Variants in PACS2 observed in about 807,000 individuals in gnomAD.
The protein encoded by PACS2 is PACS1-like protein.
PACS2 carries 36 observed loss-of-function variants against 113.0 expected under a neutral mutation model. That is an observed-to-expected ratio of 0.32 (90% confidence interval 0.24 to 0.42). The LOEUF is 0.42. Among genes scored for constraint, PACS2 ranks in the 10% least tolerant of loss-of-function variants. The pLI, the probability that PACS2 is intolerant of heterozygous loss-of-function variation, is 1.00. For synonymous variants in PACS2, 589 were observed against 536.1 expected, an observed-to-expected ratio of 1.10 and a Z score of -1.36; for missense variants, 1,015 against 1,239.5, an observed-to-expected ratio of 0.82 and a Z score of 2.72.
At chr14:105,367,948 C>A in intron 5 of PACS2, 126 bp from the exon 6 acceptor site, 1 of 709,510 alleles carries the variant, frequency 1.4e-6, no homozygotes, top group Non-Finnish European at 2.6e-6. Context: ...TGGAGCCCCT[C>A]TGTCCTGCAT....
chr14:105,353,215 TG>T (rs2060292222), intron 3 of PACS2, among the ~76,000 whole-genome samples: 3 of 80,278 alleles, frequency 3.7e-5, no homozygotes, highest in Non-Finnish European at 2.4e-5. Flanking sequence ...CCTGGGGTGA[TG>T]GGCACCCCCT....
chr14:105,309,576 A>G (rs1030695668), upstream of PACS2, among the ~76,000 whole-genome samples: 2 of 152,184 alleles, frequency 1.3e-5, no homozygotes, highest in African/African-American at 4.8e-5. This position sits in a 1 kb window ranked among gnomAD's most constrained non-coding sequence, Gnocchi z 4.0. Flanking sequence ...CCATGAGCCC[A>G]GGCAAATCTC....
chr14:105,342,932 T>TAAA (rs1180529928), intron 1 of PACS2, among the ~76,000 whole-genome samples: 1 of 126,692 alleles, frequency 7.9e-6, no homozygotes, highest in African/African-American at 2.9e-5. Context: ...GACTCTGTCT[T>TAAA]AAAAAAAAAA....
chr14:105,320,794 G>A (rs753078962), intron 1 of PACS2, among the ~76,000 whole-genome samples: 19 of 152,260 alleles, frequency 1.2e-4, no homozygotes, highest in Admixed American at 3.3e-4. Context: ...TTGCTGTATC[G>A]TGGTATAGCT....
intron 22 of PACS2, chr14:105,392,269 A>G (rs1441939204): frequency 2.9e-5 from 11 of 377,470 alleles, no homozygotes; most frequent in Non-Finnish European, 4.9e-5. Flanking sequence ...TACCCCCCCG[A>G]CCCCCCTGCC....
chr14:105,332,298 G>C (rs985004784), intron 1 of PACS2, among the ~76,000 whole-genome samples: 2 of 152,214 alleles, frequency 1.3e-5, no homozygotes, highest in African/African-American at 4.8e-5. Flanking sequence ...AAGCACAGTG[G>C]TCCTCCCCTC....
Position 105,384,437 on chromosome 14 carries a change from T to G in PACS2, c.1865T>G (p.Phe622Cys). Reference sequence around the variant, plus strand: ...CAGGACCTGGCCTGGAGAGACCTGTTCAACAAGCTGGAGGCCCAGAGTGCG... The same window carrying G: ...CAGGACCTGGCCTGGAGAGACCTGTGCAACAAGCTGGAGGCCCAGAGTGCG... ...FFQDLAWRDL[F>C]NKLEAQSAVQ... Residue 622 changes from phenylalanine (F) to cysteine (C), a missense_variant, in exon 17 of 25, where the codon TTC becomes TGC. Phe to Cys is a radical substitution (Grantham distance 205). Transcript: ENST00000447393. The G allele has an allele frequency of 6.2e-7, 1 of 1,611,898 alleles. No individual in the cohort carries two copies. Among genetic ancestry groups the G allele is most frequent in the African/African-American group, 1.3e-5 (1 of 75,024 alleles).
In PACS2 at chr14:105,389,978, C is replaced by T; in HGVS notation, c.2051C>T (p.Ser684Phe). Residue 684 changes from serine to phenylalanine, a missense_variant, in exon 20 of 25, where the codon TCC becomes TTC. Around this residue, in one of 3 missense-constraint regions of PACS2, gnomAD observed 859 missense variants for 1,056.8 expected, o/e 0.81. Transcript: ENST00000447393. ...DFTLSPDEES[S>F]QKFIPFVGVV... ...GCTCTTAGCCCTGACGAAGAGTCCT[C>T]CCAAAAGTTCATTCCCTTTGTCGGG... The T allele has an allele frequency of 6.2e-7, 1 of 1,613,998 alleles. No homozygotes were observed. Among genetic ancestry groups the T allele is most frequent in the East Asian group, 2.2e-5 (1 of 44,880 alleles).
At chr14:105,338,080 G>A (rs2059591482) in intron 1 of PACS2, among the ~76,000 whole-genome samples, 3 of 152,212 alleles carry the variant, frequency 2.0e-5, no homozygotes, top group African/African-American at 7.2e-5. Flanking sequence ...AGGCTGGGTG[G>A]CCGAGGGGTC....
At chr14:105,368,743 C>T (rs1170516653) in intron 7 of PACS2, among the ~76,000 whole-genome samples, 3 of 152,214 alleles carry the variant, frequency 2.0e-5, no homozygotes, top group African/African-American at 7.2e-5. Context: ...CTGGCTTTAG[C>T]CTTGTGTGGC....
rs754011861 is a variant in PACS2, at chr14:105,315,996, T to A, written c.119+959T>A. The stretch of plus-strand genomic sequence containing the variant: ...TGCCTGGAGGGGACCCCACGTGGCA[T>A]TGAGTTGTTCCACCCCTAGTCAGCT... On this transcript the variant is annotated intron_variant, in intron 1 of 24. Transcript: ENST00000447393. The surrounding 1 kb of genome is among the most constrained non-coding windows in gnomAD (Gnocchi z 4.4). Among the ~76,000 whole-genome samples the A allele has an allele frequency of 1.3e-5, 2 of 152,198 alleles. No individual in the cohort carries two copies. Among genetic ancestry groups the A allele is most frequent in the Non-Finnish European group, 2.9e-5 (2 of 68,022 alleles).
Position 105,317,684 on chromosome 14 carries a change from G to A in PACS2, c.119+2647G>A, listed in dbSNP as rs2058730813. On this transcript the variant is annotated intron_variant, in intron 1 of 24. Coordinates refer to ENST00000447393, the MANE Select transcript of PACS2 (RefSeq NM_001100913.3). The surrounding 1 kb of genome is among the most constrained non-coding windows in gnomAD (Gnocchi z 4.2). ...TAGAGATAGTCATCCTTTCTCGGCT[G>A]TGTTGAGGATGTCCCCGTCCAGTTA... Among the ~76,000 whole-genome samples the A allele has an allele frequency of 6.6e-6, 1 of 152,010 alleles. No homozygotes were observed. The highest frequency in any genetic ancestry group is 1.5e-5 in the Non-Finnish European group (1 of 68,020).
intron 2 of PACS2, among the ~76,000 whole-genome samples, chr14:105,351,660 A>G (rs781842440): frequency 1.3e-5 from 2 of 152,178 alleles, no homozygotes; most frequent in African/African-American, 2.4e-5. Flanking sequence ...CAACATGACT[A>G]ATCCTTGTCT....
At chr14:105,314,365 G>A (rs907018285), upstream of PACS2, 2 of 151,924 alleles carry the variant, frequency 1.3e-5, no homozygotes, top group African/African-American at 4.8e-5. Context: ...CATCGCCAGG[G>A]CGACGATGAG....
intron 8 of PACS2, chr14:105,374,474 A>T (rs1228441429): frequency 6.6e-6 from 1 of 152,196 alleles, no homozygotes; most frequent in Admixed American, 6.5e-5. Flanking sequence ...AAAGACACAG[A>T]CAGTCTAGTT....
At chr14:105,383,615 C>G in intron 16 of PACS2, 102 bp downstream of exon 16, 1 of 1,162,310 alleles carries the variant, frequency 8.6e-7, no homozygotes, top group Non-Finnish European at 1.2e-6. Context: ...TGTGGCGTGG[C>G]GTGGCGCGGT....
At chr14:105,308,479 GTC>G (rs1216095994) in intron 1 of PACS2, among the ~76,000 whole-genome samples, 2 of 140,420 alleles carry the variant, frequency 1.4e-5, no homozygotes, top group Non-Finnish European at 3.0e-5. Flanking sequence ...GGCAGATTCT[GTC>G]TTTTTTTTTT....
Position 105,375,481 on chromosome 14 carries a change from C to CAAA in PACS2, c.802-1267_802-1265dup, listed in dbSNP as rs34549878. 1.4e-3 allele frequency among the ~76,000 whole-genome samples: 73 copies of CAAA among 51,176 alleles called. 2 individuals are homozygous for CAAA. Among genetic ancestry groups the CAAA allele is most frequent in the African/African-American group, 3.8e-3 (63 of 16,546 alleles). The allele number at this position is 51,176 out of a possible 152,430, so 33.6% of individuals were successfully genotyped here. Reference sequence around the variant, plus strand: ...CAACAGACAGTGCGAGACTCCATCTCAAAAAAAAAAAAAAAAAAAAAATAG... The same window carrying CAAA: ...CAACAGACAGTGCGAGACTCCATCTCAAAAAAAAAAAAAAAAAAAAAAAAATAG... On this transcript the variant is annotated intron_variant, in intron 8 of 24. Transcript: ENST00000447393.
At chr14:105,312,951 G>C (rs1040926850), upstream of PACS2, among the ~76,000 whole-genome samples, 2 of 152,214 alleles carry the variant, frequency 1.3e-5, no homozygotes, top group African/African-American at 4.8e-5. Context: ...CCTGGCAGCT[G>C]CATAACCTCA....
Sources: allele counts gnomAD v4.1 joint callset (sites outside exome capture counted in the v4.1 genomes callset), GRCh38; gene constraint gnomAD v4.1.1; regional missense constraint gnomAD v4.1.1; non-coding constraint Gnocchi (gnomAD v3.1); transcripts MANE v1.5; gene names NCBI Gene and HGNC (gene_info 2026-07-23, HGNC 2026-07-21).